Variants in ENOX1 observed in about 807,000 individuals in gnomAD.
ENOX1 encodes candidate growth-related and time keeping constitutive hydroquinone (NADH) oxidase.
In ENOX1, 42 loss-of-function variants were observed where a neutral mutation model predicts 82.5. The observed-to-expected ratio is 0.51, with a 90% CI of 0.40 to 0.66. ENOX1 has a LOEUF of 0.66. Ranked by LOEUF, ENOX1 falls within the 30% of genes least tolerant of loss-of-function variation. The pLI is 0.00. For missense variants in ENOX1, 608 were observed against 811.6 expected (o/e 0.75, Z 3.05); for synonymous variants, 271 against 282.2 (o/e 0.96, Z 0.40).
chr13:43,302,120 AAAAG>A (rs1465165735), intron 11 of ENOX1, among the ~76,000 whole-genome samples: 1 of 152,200 alleles, frequency 6.6e-6, no homozygotes, highest in Non-Finnish European at 1.5e-5. Context: ...TAAAAAAAAA[AAAAG>A]TACAGTGTGC....
chr13:43,531,818 G>A (rs868628986), intron 2 of ENOX1, among the ~76,000 whole-genome samples: 4 of 149,548 alleles, frequency 2.7e-5, no homozygotes, highest in African/African-American at 7.4e-5. Context: ...GCAAACTATC[G>A]CAAGGACAAA....
At chr13:43,320,378 A>G (rs538986468) in intron 11 of ENOX1, among the ~76,000 whole-genome samples, 2 of 152,316 alleles carry the variant, frequency 1.3e-5, no homozygotes, top group East Asian at 3.9e-4. Context: ...CTGACCAAGT[A>G]ACAAGACTGG....
In ENOX1 at chr13:43,252,511, C is replaced by T. The variant is rs77408142; in HGVS notation, c.1611+12887G>A. Among the ~76,000 whole-genome samples, 13 of 152,314 alleles carry T rather than the reference C, an allele frequency of 8.5e-5. No homozygotes were observed. In the East Asian group the frequency reaches 2.5e-3, roughly 29 times the overall value. ...TATTTTCTTCTTCAGGAAACTCTTG[C>T]TGTCTTTCGATAAAAACATAATTTA... On this transcript the variant is annotated intron_variant, in intron 14 of 16. Coordinates refer to ENST00000690772, the MANE Select transcript of ENOX1 (RefSeq NM_001347969.2).
chr13:43,764,275 G>C (rs1285913138), intron 1 of ENOX1, among the ~76,000 whole-genome samples: 3 of 152,130 alleles, frequency 2.0e-5, no homozygotes, highest in Admixed American at 2.0e-4. Flanking sequence ...CTAACAAAAA[G>C]TTAAAATGAT....
chr13:43,558,108 G>C (rs2079522225), intron 2 of ENOX1, among the ~76,000 whole-genome samples: 1 of 152,204 alleles, frequency 6.6e-6, no homozygotes, highest in African/African-American at 2.4e-5. Flanking sequence ...CATTCTGAGA[G>C]CTGGGAAACC....
intron 5 of ENOX1, among the ~76,000 whole-genome samples, chr13:43,386,653 T>C (rs185045415): frequency 1.3e-5 from 2 of 152,318 alleles, no homozygotes; most frequent in East Asian, 3.9e-4. Flanking sequence ...GTTTGAACGA[T>C]TAAAAAATCA....
intron 3 of ENOX1, among the ~76,000 whole-genome samples, chr13:43,443,793 A>T (rs559915179): frequency 2.6e-5 from 4 of 152,224 alleles, no homozygotes; most frequent in African/African-American, 4.8e-5. Context: ...ATAGGATCAG[A>T]CCAGGCGAAG....
chr13:43,499,744 C>T (rs935549169), intron 2 of ENOX1, among the ~76,000 whole-genome samples: 1 of 151,942 alleles, frequency 6.6e-6, no homozygotes, highest in African/African-American at 2.4e-5. Flanking sequence ...CAAAATAAAG[C>T]TCCAGTAACC....
intron 3 of ENOX1, among the ~76,000 whole-genome samples, chr13:43,435,514 T>C (rs1265807501): frequency 6.6e-6 from 1 of 152,246 alleles, no homozygotes; most frequent in Non-Finnish European, 1.5e-5. Flanking sequence ...TGTTTAATAC[T>C]GTCCTTTACA....
intron 1 of ENOX1, among the ~76,000 whole-genome samples, chr13:43,740,663 C>G (rs2089863763): frequency 6.6e-6 from 1 of 152,024 alleles, no homozygotes. Context: ...CAAAAAGAAA[C>G]CCCATATCCA....
intron 3 of ENOX1, among the ~76,000 whole-genome samples, chr13:43,481,162 T>C (rs2153655667): frequency 6.6e-6 from 1 of 152,210 alleles, no homozygotes; most frequent in Admixed American, 6.5e-5. Context: ...AGTATGCTGT[T>C]GAATTTGGAA....
chr13:43,643,640 T>A (rs1331938433), intron 2 of ENOX1, among the ~76,000 whole-genome samples: 1 of 151,216 alleles, frequency 6.6e-6, no homozygotes, highest in Non-Finnish European at 1.5e-5. Flanking sequence ...TGTGTATATA[T>A]ATATATATAC....
intron 2 of ENOX1, among the ~76,000 whole-genome samples, chr13:43,497,130 A>G (rs1420888217): frequency 6.6e-6 from 1 of 152,150 alleles, no homozygotes; most frequent in East Asian, 1.9e-4. Flanking sequence ...TAAATTCAAG[A>G]GATTTTTGCT....
intron 12 of ENOX1, among the ~76,000 whole-genome samples, chr13:43,291,442 T>C (rs768193540): frequency 2.0e-5 from 3 of 152,220 alleles, no homozygotes; most frequent in Admixed American, 6.5e-5. Context: ...TTTGTCTTCC[T>C]TTCTCACTTT....
chr13:43,222,145 G>A (rs866326703), intron 16 of ENOX1, among the ~76,000 whole-genome samples: 14 of 152,028 alleles, frequency 9.2e-5, no homozygotes, highest in Middle Eastern at 3.2e-3. Context: ...ACCAGTCTGC[G>A]ATGAGATACA....
rs147918390 is a variant in ENOX1 at position 43,662,871 on chromosome 13, G to A, written c.-219+4608C>T. Among the ~76,000 whole-genome samples the A allele has an allele frequency of 6.6e-3, 1,003 of 152,274 alleles. 8 individuals are homozygous for A. Among genetic ancestry groups the A allele is most frequent in the African/African-American group, 0.022 (925 of 41,540 alleles). ...AACTTGTGATATATGAGAAGCATGC[G>A]AAAATTGCAATATGCAGCATCTATT... On this transcript the variant is annotated intron_variant, in intron 2 of 16. Transcript: ENST00000690772.
At chr13:43,705,328 C>A (rs418420) in intron 1 of ENOX1, among the ~76,000 whole-genome samples, 13,428 of 70,486 alleles carry the variant, frequency 0.19, 856 homozygotes, top group East Asian at 0.35. Flanking sequence ...CTCTCTCTCT[C>A]TCTATATATA....
At chr13:43,318,159 G>C (rs1332142100) in intron 11 of ENOX1, among the ~76,000 whole-genome samples, 1 of 152,196 alleles carries the variant, frequency 6.6e-6, no homozygotes, top group African/African-American at 2.4e-5. Context: ...ACATTTGTTT[G>C]TGTATTATGG....
rs576474097 is a variant in ENOX1 at position 43,714,978 on chromosome 13, G to A, written c.-284-47434C>T. On this transcript the variant is annotated intron_variant, in intron 1 of 16. Coordinates refer to ENST00000690772, the MANE Select transcript of ENOX1 (RefSeq NM_001347969.2). ...ATGATGTTAGCTGGTGATTTTGCTC[G>A]TTAGTTGATGCAGTTTCTTCCTAGC... is the stretch of plus-strand genomic sequence containing the variant. 8.5e-5 allele frequency among the ~76,000 whole-genome samples: 13 copies of A among 152,232 alleles called. No individual in the cohort carries two copies. In the East Asian group the frequency reaches 1.4e-3, roughly 16 times the overall value.
Sources: allele counts gnomAD v4.1 joint callset (sites outside exome capture counted in the v4.1 genomes callset), GRCh38; gene constraint gnomAD v4.1.1; transcripts MANE v1.5; gene names NCBI Gene and HGNC (gene_info 2026-07-23, HGNC 2026-07-21).